The following ENTREP2 variants were observed in gnomAD, a reference collection of about 807,000 sequenced individuals.
ENTREP2 encodes protein ENTREP2.
the ENTREP2 span, among the ~76,000 whole-genome samples, chr15:29,249,169 G>A: frequency 2.6e-5 from 4 of 152,196 alleles, no homozygotes; most frequent in South Asian, 2.1e-4. Flanking sequence ...TTAGCTGGGC[G>A]TGGTGGCCCA....
the ENTREP2 span, among the ~76,000 whole-genome samples, chr15:29,442,349 G>A: frequency 1.4e-4 from 21 of 152,296 alleles, no homozygotes; most frequent in East Asian, 2.7e-3. Context: ...TGGGAAGACC[G>A]TGTGCAACTA....
the ENTREP2 span, among the ~76,000 whole-genome samples, chr15:29,159,972 A>C: frequency 6.6e-6 from 1 of 152,350 alleles, no homozygotes; most frequent in East Asian, 1.9e-4. Context: ...ATGGAGCAGG[A>C]GGCGGCGCTC....
At chr15:29,484,562 C>A in the ENTREP2 span, among the ~76,000 whole-genome samples, 1 of 152,142 alleles carries the variant, frequency 6.6e-6, no homozygotes, top group African/African-American at 2.4e-5. Flanking sequence ...TGTGTACACA[C>A]ACACACGCAC....
chr15:29,221,364 G>A, the ENTREP2 span, among the ~76,000 whole-genome samples: 5 of 152,102 alleles, frequency 3.3e-5, no homozygotes, highest in East Asian at 9.7e-4. Context: ...ACCACGCCCA[G>A]CTAATTTTTG....
chr15:29,496,601 A>T, the ENTREP2 span, among the ~76,000 whole-genome samples: 2 of 152,012 alleles, frequency 1.3e-5, no homozygotes, highest in Non-Finnish European at 2.9e-5. Flanking sequence ...CTATACCTAA[A>T]TTTGTTTAGA....
the ENTREP2 span, among the ~76,000 whole-genome samples, chr15:29,223,929 C>G: frequency 6.6e-6 from 1 of 152,160 alleles, no homozygotes; most frequent in Non-Finnish European, 1.5e-5. Context: ...CTTGCCCGCC[C>G]CCAGCTCGCG....
At chr15:29,223,827 T>C in the ENTREP2 span, among the ~76,000 whole-genome samples, 1 of 152,118 alleles carries the variant, frequency 6.6e-6, no homozygotes, top group Non-Finnish European at 1.5e-5. Flanking sequence ...ACTGCAGGTA[T>C]CCCAGCAGAC....
the ENTREP2 span, among the ~76,000 whole-genome samples, chr15:29,209,518 C>G: frequency 6.6e-6 from 1 of 152,056 alleles, no homozygotes; most frequent in Non-Finnish European, 1.5e-5. Context: ...AAAACAAAAA[C>G]AAATAAAAAA....
the ENTREP2 span, among the ~76,000 whole-genome samples, chr15:29,207,023 G>A: frequency 6.6e-6 from 1 of 152,094 alleles, no homozygotes; most frequent in African/African-American, 2.4e-5. Flanking sequence ...TGGATGACAC[G>A]GAGCCACTTT....
the ENTREP2 span, among the ~76,000 whole-genome samples, chr15:29,532,131 G>A: frequency 2.0e-5 from 3 of 152,072 alleles, no homozygotes; most frequent in Admixed American, 6.6e-5. Flanking sequence ...CTATCGAACT[G>A]AAATTTTGTA....
chr15:29,309,601 C>T, the ENTREP2 span, among the ~76,000 whole-genome samples: 8 of 151,800 alleles, frequency 5.3e-5, no homozygotes, highest in Non-Finnish European at 7.4e-5. Context: ...CCAGCACGGC[C>T]GACATGGCAA....
At chr15:29,235,741 G>A in the ENTREP2 span, among the ~76,000 whole-genome samples, 3,054 of 152,226 alleles carry the variant, frequency 0.02, 116 homozygotes, top group African/African-American at 0.07. Context: ...CAAGGTGGGT[G>A]GATCACGAGG....
At chr15:29,439,328 CACACAA>C in the ENTREP2 span, among the ~76,000 whole-genome samples, 1,082 of 109,754 alleles carry the variant, frequency 9.9e-3, 11 homozygotes, top group African/African-American at 0.029. Flanking sequence ...CACACACACA[CACACAA>C]ACAGTAGAGG....
the ENTREP2 span, among the ~76,000 whole-genome samples, chr15:29,604,984 A>C: frequency 6.6e-6 from 1 of 152,222 alleles, no homozygotes; most frequent in Non-Finnish European, 1.5e-5. Flanking sequence ...TATTTATAGG[A>C]GTATTCAAAG....
the ENTREP2 span, among the ~76,000 whole-genome samples, chr15:29,460,704 T>C: frequency 2.0e-5 from 3 of 152,180 alleles, no homozygotes; most frequent in Admixed American, 2.0e-4. Context: ...GTCAAGTCAT[T>C]AACACATTTG....
chr15:29,171,505 G>T, the ENTREP2 span, among the ~76,000 whole-genome samples: 1 of 152,110 alleles, frequency 6.6e-6, no homozygotes, highest in Non-Finnish European at 1.5e-5. Flanking sequence ...ACAGCTGCAG[G>T]AGGTCCTGTC....
the ENTREP2 span, among the ~76,000 whole-genome samples, chr15:29,478,007 ATATATATATATATTT>A: frequency 2.7e-5 from 2 of 73,640 alleles, no homozygotes; most frequent in East Asian, 3.3e-4. Context: ...ATATATATAT[ATATATATATATATTT>A]TTTTTTTTTT....
the ENTREP2 span, among the ~76,000 whole-genome samples, chr15:29,463,139 T>G: frequency 2.0e-5 from 3 of 152,002 alleles, no homozygotes; most frequent in Admixed American, 6.6e-5. Context: ...TCAGGCTGAT[T>G]CCCCTGCAGA....
At chr15:29,598,103 C>T in the ENTREP2 span, among the ~76,000 whole-genome samples, 1 of 148,298 alleles carries the variant, frequency 6.7e-6, no homozygotes, top group South Asian at 2.2e-4. Flanking sequence ...GCCGGGGCAA[C>T]AGAGTGAGAC....
Sources: allele counts gnomAD v4.1 joint callset (sites outside exome capture counted in the v4.1 genomes callset), GRCh38; gene constraint gnomAD v4.1.1; transcripts MANE v1.5; gene names NCBI Gene and HGNC (gene_info 2026-07-23, HGNC 2026-07-21).